CHD9: variants seen among roughly 807,000 people sequenced by gnomAD.
CHD9 encodes chromodomain helicase DNA binding protein 9.
A neutral mutation model predicts 316.1 loss-of-function variants in CHD9; 77 were observed. The ratio of observed to expected loss-of-function variants is 0.24; its 90% CI spans 0.20 to 0.29. The LOEUF is 0.29. Among genes scored for constraint, CHD9 ranks in the 10% least tolerant of loss-of-function variants. The pLI is 1.00. For synonymous variants in CHD9, 1,129 were observed against 1,158.3 expected, an observed-to-expected ratio of 0.97 and a Z score of 0.51; for missense variants, 2,763 against 3,438.1, an observed-to-expected ratio of 0.80 and a Z score of 4.91.
At position 53,255,668 on chromosome 16, in the gene CHD9, G is replaced by A. The variant is rs764027754; in HGVS notation, c.4098G>A (p.Glu1366=). 3.7e-6 allele frequency: 6 copies of A among 1,613,872 alleles called. No individual in the cohort carries two copies. Among genetic ancestry groups the A allele is most frequent in the Non-Finnish European group, 5.1e-6 (6 of 1,179,814 alleles). The change falls in exon 19 of 39, where the codon GAG becomes GAA. Residue 1366 remains glutamate, a synonymous_variant. Coordinates refer to ENST00000447540, the MANE Select transcript of CHD9 (RefSeq NM_001308319.2). ...LRRGAYGAIM[E]EEDEGSKFCE... The stretch of plus-strand genomic sequence containing the variant: ...GAGGTGCTTATGGTGCTATTATGGA[G>A]GAAGAAGATGAAGGCTCTAAATTCT...
At chr16:53,287,031 C>G (rs2053936869) in intron 26 of CHD9, among the ~76,000 whole-genome samples, 1 of 152,102 alleles carries the variant, frequency 6.6e-6, no homozygotes, top group Non-Finnish European at 1.5e-5. Context: ...ACAATCATGT[C>G]TTACTGCAGC....
At chr16:53,079,551 A>G (rs1365710359) in intron 1 of CHD9, among the ~76,000 whole-genome samples, 1 of 152,128 alleles carries the variant, frequency 6.6e-6, no homozygotes, top group African/African-American at 2.4e-5. Flanking sequence ...ATCTTTTGTT[A>G]TTCATAATAA....
intron 20 of CHD9, among the ~76,000 whole-genome samples, chr16:53,266,807 C>A (rs1042781159): frequency 1.3e-5 from 2 of 152,122 alleles, no homozygotes; most frequent in African/African-American, 4.8e-5. Context: ...GCCTTGCTTT[C>A]TTTGTATTAA....
chr16:53,261,359 CTTTT>C (rs1195811638), intron 19 of CHD9, among the ~76,000 whole-genome samples: 2 of 61,882 alleles, frequency 3.2e-5, no homozygotes, highest in East Asian at 1.2e-3. Context: ...GTGTTTTAGA[CTTTT>C]TTTTTTTTTT....
chr16:53,235,948 C>A (rs2048581691), intron 11 of CHD9, among the ~76,000 whole-genome samples: 1 of 151,984 alleles, frequency 6.6e-6, no homozygotes, highest in Non-Finnish European at 1.5e-5. Context: ...GTAAGAATAG[C>A]AAAATTTGAT....
At chr16:53,112,405 GGCTGA>G (rs2037934432) in intron 1 of CHD9, among the ~76,000 whole-genome samples, 1 of 152,164 alleles carries the variant, frequency 6.6e-6, no homozygotes, top group African/African-American at 2.4e-5. Flanking sequence ...TCCTGGACTT[GGCTGA>G]GCTGAGCTTC....
chr16:53,136,576 A>G (rs1022680891), intron 1 of CHD9, among the ~76,000 whole-genome samples: 3 of 150,906 alleles, frequency 2.0e-5, no homozygotes, highest in East Asian at 1.9e-4. Flanking sequence ...AAAAAAATCT[A>G]GGAATTTAAG....
At chr16:53,310,204 ACT>A (rs1367596906) in intron 34 of CHD9, among the ~76,000 whole-genome samples, 7 of 152,236 alleles carry the variant, frequency 4.6e-5, no homozygotes, top group Non-Finnish European at 1.0e-4. Context: ...TATGAATTGC[ACT>A]TCAAATATGA....
At chr16:53,252,934 G>A (rs1207669580) in intron 17 of CHD9, among the ~76,000 whole-genome samples, 5 of 152,068 alleles carry the variant, frequency 3.3e-5, no homozygotes, top group African/African-American at 4.8e-5. Flanking sequence ...CAGGGAACAC[G>A]TCTACACTTC....
chr16:53,065,667 G>A (rs1332605752), intron 1 of CHD9, among the ~76,000 whole-genome samples: 9 of 128,846 alleles, frequency 7.0e-5, no homozygotes, highest in Non-Finnish European at 1.5e-4. Flanking sequence ...AAGGAAGAGA[G>A]TATTCCTGGA....
chr16:53,300,079 C>G (rs532589470), intron 30 of CHD9, among the ~76,000 whole-genome samples: 1 of 152,220 alleles, frequency 6.6e-6, no homozygotes, highest in African/African-American at 2.4e-5. Flanking sequence ...GTGTGGCCAG[C>G]GCAGTGGCTC....
rs2152517301 is a variant in CHD9 at position 53,072,075 on chromosome 16, G to T, written c.-165+16998G>T. 1.3e-5 allele frequency among the ~76,000 whole-genome samples: 2 copies of T among 152,212 alleles called. 1 individual carries two copies. Among genetic ancestry groups the T allele is most frequent in the South Asian group, 4.1e-4 (2 of 4,826 alleles). ...ATCCAAATGTCTGCAGAATTCATAG[G>T]CGCCAGTGTCTAGAGACAGACTCTG... On this transcript the variant is annotated intron_variant, in intron 1 of 38. Coordinates refer to ENST00000447540, the MANE Select transcript of CHD9 (RefSeq NM_001308319.2).
intron 2 of CHD9, among the ~76,000 whole-genome samples, chr16:53,195,152 C>T (rs1292208387): frequency 6.6e-6 from 1 of 152,098 alleles, no homozygotes; most frequent in Non-Finnish European, 1.5e-5. Flanking sequence ...ATCCATTTAA[C>T]CAGTATCCAG....
Position 53,156,291 on chromosome 16 carries a change from T to G in CHD9, c.202T>G (p.Phe68Val). The change falls in exon 2 of 39, where the codon TTT becomes GTT. Residue 68 changes from phenylalanine to valine, a missense_variant. Physicochemically the swap from Phe to Val is conservative, Grantham distance 50. This residue lies in a region of CHD9 where 859 missense variants were observed against 890.4 expected (regional missense o/e 0.96). Coordinates refer to ENST00000447540, the MANE Select transcript of CHD9 (RefSeq NM_001308319.2). ...GTPTHQKMTD[F>V]EQLNQFDSIK... The stretch of plus-strand genomic sequence containing the variant: ...TCCAACACATCAGAAGATGACTGAT[T>G]TTGAACAGTTAAATCAATTTGATTC... 1 of 1,613,990 alleles carries G rather than the reference T, an allele frequency of 6.2e-7. No homozygotes were observed. Among genetic ancestry groups the G allele is most frequent in the Non-Finnish European group, 8.5e-7 (1 of 1,179,864 alleles).
intron 37 of CHD9, 113 bp downstream of exon 37, chr16:53,318,453 A>G (rs2057039002): frequency 2.5e-6 from 2 of 789,696 alleles, no homozygotes; most frequent in Non-Finnish European, 3.9e-6. Context: ...AATGAGTTGA[A>G]TCTATCAGAT....
intron 1 of CHD9, among the ~76,000 whole-genome samples, chr16:53,101,975 A>G (rs557993573): frequency 6.6e-6 from 1 of 152,312 alleles, no homozygotes; most frequent in East Asian, 1.9e-4. Context: ...AATGGGTCGT[A>G]GGAAAAAAGT....
intron 2 of CHD9, among the ~76,000 whole-genome samples, chr16:53,207,483 A>G (rs1008841135): frequency 2.6e-5 from 4 of 152,220 alleles, no homozygotes; most frequent in Non-Finnish European, 5.9e-5. Context: ...GTTCATTTCA[A>G]AATTTTAAGC....
At chr16:53,057,178 T>TA (rs891035476) in intron 1 of CHD9, among the ~76,000 whole-genome samples, 4 of 151,744 alleles carry the variant, frequency 2.6e-5, no homozygotes, top group South Asian at 2.1e-4. Flanking sequence ...AAAGAATTTT[T>TA]AAAAAAATAT....
chr16:53,226,712 A>G (rs1056062082), intron 5 of CHD9, among the ~76,000 whole-genome samples, 200 bp downstream of exon 5: 4 of 152,166 alleles, frequency 2.6e-5, no homozygotes, highest in South Asian at 2.1e-4. Flanking sequence ...TCAGGTTGTC[A>G]CTACACTTTC....
Sources: allele counts gnomAD v4.1 joint callset (sites outside exome capture counted in the v4.1 genomes callset), GRCh38; gene constraint gnomAD v4.1.1; regional missense constraint gnomAD v4.1.1; transcripts MANE v1.5; gene names NCBI Gene and HGNC (gene_info 2026-07-23, HGNC 2026-07-21).